The following POC1B variants were observed in gnomAD, a reference collection of about 807,000 sequenced individuals.
The protein encoded by POC1B is POC1 centriolar protein B.
Under a neutral mutation model 60.6 loss-of-function variants are expected in POC1B, and 44 were observed. The ratio of observed to expected loss-of-function variants is 0.73; its 90% confidence interval spans 0.57 to 0.93. The LOEUF (loss-of-function observed/expected upper bound fraction) is 0.93. Among genes scored for constraint, POC1B ranks in the 40% least tolerant of loss-of-function variants. The pLI is 0.00. For synonymous variants in POC1B, 180 were observed against 198.9 expected (o/e 0.90, Z 0.80); for missense variants, 555 against 572.3 (o/e 0.97, Z 0.31).
chr12:89,486,558 G>A (rs1031027863), intron 4 of POC1B, among the ~76,000 whole-genome samples: 35 of 152,214 alleles, frequency 2.3e-4, no homozygotes, highest in Admixed American at 1.3e-3. Flanking sequence ...GCACACACAC[G>A]CCAGGACAAG....
chr12:89,525,504 C>T, intron 1 of POC1B: 1 of 1,316,596 alleles, frequency 7.6e-7, no homozygotes, highest in Non-Finnish European at 9.6e-7. Flanking sequence ...GGGCCCCGCC[C>T]GCTGGCCCAA....
intron 2 of POC1B, chr12:89,524,393 G>T (rs774602309): frequency 9.3e-6 from 15 of 1,614,034 alleles, no homozygotes; most frequent in Non-Finnish European, 1.3e-5. Flanking sequence ...GTATTTTTCT[G>T]GAGGTCTGAG....
At chr12:89,445,210 C>G (rs1319950050) in intron 10 of POC1B, among the ~76,000 whole-genome samples, 1 of 152,128 alleles carries the variant, frequency 6.6e-6, no homozygotes, top group Non-Finnish European at 1.5e-5. Context: ...CAATGCCATT[C>G]CTATCAAGCT....
intron 4 of POC1B, among the ~76,000 whole-genome samples, chr12:89,479,270 A>G (rs1262311229): frequency 6.6e-6 from 1 of 152,182 alleles, no homozygotes; most frequent in Non-Finnish European, 1.5e-5. Context: ...TACTGGTTAC[A>G]TCATAATCTA....
chr12:89,490,010 A>G (rs1240396064), intron 4 of POC1B, among the ~76,000 whole-genome samples: 1 of 152,172 alleles, frequency 6.6e-6, no homozygotes, highest in East Asian at 1.9e-4. Flanking sequence ...TCAGTCAGTC[A>G]CAAGGCTGTG....
At chr12:89,402,368 CA>C in the POC1B span, among the ~76,000 whole-genome samples, 50 of 150,752 alleles carry the variant, frequency 3.3e-4, no homozygotes, top group East Asian at 9.0e-3. Flanking sequence ...CACACACACA[CA>C]CCCCTTTAAA....
intron 10 of POC1B, among the ~76,000 whole-genome samples, chr12:89,441,399 C>A (rs1046030559): frequency 2.6e-5 from 4 of 152,112 alleles, no homozygotes; most frequent in African/African-American, 9.7e-5. Context: ...ATGGCCGGGT[C>A]CCCCTCTGAG....
chr12:89,453,549 A>G (rs1035835506), intron 10 of POC1B, among the ~76,000 whole-genome samples: 2 of 152,172 alleles, frequency 1.3e-5, no homozygotes, highest in Non-Finnish European at 2.9e-5. Context: ...GTTATAGATA[A>G]ATACACCTAG....
intron 10 of POC1B, among the ~76,000 whole-genome samples, chr12:89,439,779 T>A (rs1276012713): frequency 1.3e-5 from 2 of 152,044 alleles, no homozygotes. Flanking sequence ...AATTTTTTTG[T>A]ATTTTTAGTA....
At chr12:89,501,246 G>A in intron 2 of POC1B, 1 of 1,224,658 alleles carries the variant, frequency 8.2e-7, no homozygotes, top group Non-Finnish European at 1.2e-6. Context: ...AAACAGTACT[G>A]GATACAAGTT....
intron 10 of POC1B, chr12:89,429,183 T>C (rs903085400): frequency 2.6e-5 from 4 of 152,170 alleles, no homozygotes; most frequent in Admixed American, 2.6e-4. Flanking sequence ...AATATATTAT[T>C]ATCATATGAC....
chr12:89,455,771 A>G (rs1565732706), intron 10 of POC1B, among the ~76,000 whole-genome samples: 1 of 152,226 alleles, frequency 6.6e-6, no homozygotes, highest in Non-Finnish European at 1.5e-5. Flanking sequence ...TTATGTTCAT[A>G]TTATGCACAG....
At chr12:89,405,199 T>C in the POC1B span, among the ~76,000 whole-genome samples, 1 of 152,278 alleles carries the variant, frequency 6.6e-6, no homozygotes, top group African/African-American at 2.4e-5. Flanking sequence ...TGAACTAACA[T>C]GGTTGATGGA....
At position 89,522,649 on chromosome 12, in the gene POC1B, C is replaced by T. The variant is rs371784931; in HGVS notation, c.100+2471G>A. 89 of 760,772 alleles carry T rather than the reference C, an allele frequency of 1.2e-4. No homozygotes were observed. In the East Asian group the frequency reaches 2.1e-3, roughly 18 times the overall value. The allele number at this position is 760,772 out of a possible 1,614,324, so 47.1% of individuals were successfully genotyped here. On this transcript the variant is annotated intron_variant, in intron 2 of 11. Transcript: ENST00000313546. The stretch of plus-strand genomic sequence containing the variant: ...ATTAAACAGCAGCACTCTGGGTACC[C>T]AGTTTCAGTGTGATATACCAAAATG...
intron 2 of POC1B, 103 bp downstream of exon 2, chr12:89,525,017 G>A: frequency 1.3e-6 from 2 of 1,521,132 alleles, no homozygotes; most frequent in Non-Finnish European, 9.0e-7. Flanking sequence ...CCCTCATACA[G>A]GCCCTTAGCC....
At chr12:89,412,193 G>A in the POC1B span, among the ~76,000 whole-genome samples, 2 of 152,140 alleles carry the variant, frequency 1.3e-5, no homozygotes, top group South Asian at 4.1e-4. Context: ...CTCCGTATCT[G>A]GCATCGAGCT....
rs149130904 is a variant in POC1B, at chr12:89,474,175, T to C, written c.453-1900A>G. ...GAGCCGAGATTGCACCACTGCACTCTAGCCTGGGTTACAGAGTAAGACTCT... is the reference window on the plus strand; with the variant it reads ...GAGCCGAGATTGCACCACTGCACTCCAGCCTGGGTTACAGAGTAAGACTCT... On this transcript the variant is annotated intron_variant, in intron 4 of 11. Coordinates refer to ENST00000313546, the MANE Select transcript of POC1B (RefSeq NM_172240.3). Among the ~76,000 whole-genome samples the C allele has an allele frequency of 3.5e-4, 53 of 151,576 alleles. No homozygotes were observed. The East Asian group carries it at 8.4e-3, about 24-fold the overall frequency.
chr12:89,462,551 T>C (rs543728370), intron 9 of POC1B, among the ~76,000 whole-genome samples: 1 of 152,178 alleles, frequency 6.6e-6, no homozygotes, highest in South Asian at 2.1e-4. Flanking sequence ...TACAAGCTTC[T>C]AAAGAGCAAG....
chr12:89,476,082 A>C (rs1397564697), intron 4 of POC1B, among the ~76,000 whole-genome samples: 2 of 151,568 alleles, frequency 1.3e-5, no homozygotes, highest in African/African-American at 4.9e-5. Context: ...AAGTTTTGTA[A>C]TTTTTGTAGA....
Sources: gnomAD v4.1 joint callset for allele counts (sites outside exome capture counted in the v4.1 genomes callset) on GRCh38, gnomAD v4.1.1 for gene constraint, MANE v1.5 for transcripts, NCBI Gene and HGNC (gene_info 2026-07-23, HGNC 2026-07-21) for gene names.